Variants in SCN2A observed in about 807,000 individuals in gnomAD.
SCN2A encodes sodium voltage-gated channel alpha subunit 2, also known as sodium channel protein type 2 subunit alpha.
In SCN2A, 20 loss-of-function variants were observed where a neutral mutation model predicts 188.7. The observed-to-expected ratio is 0.11, with a 90% confidence interval of 0.07 to 0.15. The LOEUF (loss-of-function observed/expected upper bound fraction) is 0.15, where lower values mean the gene tolerates loss of function less well. Ranked by LOEUF, SCN2A falls within the 10% of genes least tolerant of loss-of-function variation. SCN2A has a pLI of 1.00. For missense variants in SCN2A, 1,278 were observed against 2,445.0 expected, an observed-to-expected ratio of 0.52 and a Z score of 10.07; for synonymous variants, 804 against 833.1, an observed-to-expected ratio of 0.97 and a Z score of 0.60.
intron 3 of SCN2A, among the ~76,000 whole-genome samples, chr2:165,297,636 C>T (rs1696581456): frequency 6.6e-6 from 1 of 152,180 alleles, no homozygotes; most frequent in Non-Finnish European, 1.5e-5. Flanking sequence ...ACAATTGTGT[C>T]TGTAGGTATA....
chr2:165,349,546 G>A (rs889534447), intron 16 of SCN2A, among the ~76,000 whole-genome samples: 17 of 143,016 alleles, frequency 1.2e-4, no homozygotes, highest in Non-Finnish European at 2.3e-4. Flanking sequence ...AGAATTTCAG[G>A]AAATATCAAG....
intron 2 of SCN2A, chr2:165,296,437 A>G (rs1696514677): frequency 3.6e-6 from 1 of 279,188 alleles, no homozygotes. Context: ...ACTGTAAACT[A>G]GGAGTCTATT....
intron 4 of SCN2A, among the ~76,000 whole-genome samples, 163 bp downstream of exon 4, chr2:165,308,100 T>A (rs1446260199): frequency 1.3e-5 from 2 of 152,128 alleles, no homozygotes; most frequent in African/African-American, 2.4e-5. Context: ...AGGACAAAGC[T>A]TGTAGTGGGC....
At chr2:165,266,112 G>C (rs1030644534) in intron 1 of SCN2A, among the ~76,000 whole-genome samples, 1 of 152,014 alleles carries the variant, frequency 6.6e-6, no homozygotes, top group East Asian at 1.9e-4. Context: ...ATCTATGATG[G>C]TCTAATGAAC....
At chr2:165,306,504 T>TTGTGTGTG (rs10524719) in intron 3 of SCN2A, among the ~76,000 whole-genome samples, 1 of 147,328 alleles carries the variant, frequency 6.8e-6, no homozygotes, top group African/African-American at 2.5e-5. Flanking sequence ...AAATGGTATT[T>TTGTGTGTG]TGTGTGTGTG....
intron 1 of SCN2A, chr2:165,239,986 A>G (rs1295404388): frequency 1.3e-5 from 2 of 152,218 alleles, no homozygotes; most frequent in East Asian, 3.9e-4. Context: ...AGATATAATG[A>G]AGCAGATTAA....
Position 165,326,860 on chromosome 2 carries a change from T to C in SCN2A, c.2025T>C (p.Thr675=), listed in dbSNP as rs1698384424. The change falls in exon 13 of 27, where the codon ACT becomes ACC. Residue 675 remains threonine, a synonymous_variant. Coordinates refer to ENST00000375437, the MANE Select transcript of SCN2A (RefSeq NM_001040142.2). ...SAGQLLPEGT[T]TETEIRKRRS... is the part of the protein sequence containing the mutation. ...TGAAATTCTACTTCTAGGGCACAAC[T>C]ACTGAAACAGAAATAAGAAAGAGAC... 1 of 1,613,954 alleles carries C rather than the reference T, an allele frequency of 6.2e-7. No homozygotes were observed. The highest frequency in any genetic ancestry group is 8.5e-7 in the Non-Finnish European group (1 of 1,179,876).
At chr2:165,249,364 C>T (rs1011457917) in intron 1 of SCN2A, among the ~76,000 whole-genome samples, 7 of 152,108 alleles carry the variant, frequency 4.6e-5, no homozygotes, top group African/African-American at 1.7e-4. Context: ...TGTGATAAAG[C>T]TAGTTATTTT....
At chr2:165,242,601 T>A (rs1693671169) in intron 1 of SCN2A, among the ~76,000 whole-genome samples, 1 of 152,092 alleles carries the variant, frequency 6.6e-6, no homozygotes, top group South Asian at 2.1e-4. Flanking sequence ...ATATTTAAGT[T>A]TTAAGAAGTT....
chr2:165,343,370 G>T lies in SCN2A; in HGVS notation c.2562+901G>T, dbSNP rs565047209. 1.1e-4 allele frequency among the ~76,000 whole-genome samples: 16 copies of T among 152,190 alleles called. No individual in the cohort carries two copies. In the South Asian group the frequency reaches 2.9e-3, roughly 28 times the overall value. ...TCAAAGATAGTTATGAATCTAATTT[G>T]AATCTAGAAGGATGCAAAAAACAGA... is the stretch of plus-strand genomic sequence containing the variant. On this transcript the variant is annotated intron_variant, in intron 15 of 26. Coordinates refer to ENST00000375437, the MANE Select transcript of SCN2A (RefSeq NM_001040142.2).
intron 1 of SCN2A, among the ~76,000 whole-genome samples, chr2:165,280,339 A>G (rs899757081): frequency 3.3e-5 from 5 of 152,112 alleles, no homozygotes; most frequent in Non-Finnish European, 7.3e-5. Flanking sequence ...GTAAAAAGAA[A>G]AGAAAAAACT....
chr2:165,350,574 G>C (rs375538502), intron 16 of SCN2A, among the ~76,000 whole-genome samples: 2,144 of 139,380 alleles, frequency 0.015, 55 homozygotes, highest in African/African-American at 0.054. Context: ...CCGGGTTCAC[G>C]CCATTCTCCT....
intron 1 of SCN2A, chr2:165,266,464 C>A (rs934072082): frequency 2.0e-5 from 3 of 152,024 alleles, no homozygotes; most frequent in African/African-American, 7.2e-5. Flanking sequence ...GAGTAAGGGC[C>A]GGGAAAGCCA....
At chr2:165,296,766 TA>T (rs1378017962) in intron 2 of SCN2A, 1 of 281,296 alleles carries the variant, frequency 3.6e-6, no homozygotes, top group Non-Finnish European at 6.6e-6. Context: ...TAAAACTTGA[TA>T]AAGTTGCTAA....
intron 1 of SCN2A, among the ~76,000 whole-genome samples, chr2:165,284,713 C>T (rs1418033900): frequency 1.3e-5 from 2 of 152,156 alleles, no homozygotes; most frequent in Non-Finnish European, 2.9e-5. Context: ...ACCTCACCCT[C>T]ATAAAGAGAA....
chr2:165,267,691 G>T (rs1694932610), intron 1 of SCN2A: 2 of 151,732 alleles, frequency 1.3e-5, no homozygotes, highest in African/African-American at 4.8e-5. Flanking sequence ...CAAACCATAT[G>T]TTCAATAAGG....
chr2:165,370,352 T>C, intron 20 of SCN2A, 53 bp downstream of exon 20: 2 of 1,569,740 alleles, frequency 1.3e-6, no homozygotes, highest in Non-Finnish European at 1.8e-6. Context: ...GTAATAGTTC[T>C]AGCAATGGTG....
intron 1 of SCN2A, among the ~76,000 whole-genome samples, chr2:165,283,639 A>G (rs1030087207): frequency 1.3e-5 from 2 of 152,226 alleles, no homozygotes; most frequent in African/African-American, 4.8e-5. Context: ...GTCTAATAGC[A>G]GTGGACCTGT....
chr2:165,259,681 C>T lies in SCN2A; in HGVS notation c.-52+20041C>T, dbSNP rs117658341. ...CAGGCTTCACTTCTATTCTAGTTCTCTTGCTATTTCTACCGCATCTGCAGT... is the reference window on the plus strand; with the variant it reads ...CAGGCTTCACTTCTATTCTAGTTCTTTTGCTATTTCTACCGCATCTGCAGT... On this transcript the variant is annotated intron_variant, in intron 1 of 26. Transcript: ENST00000375437. Among the ~76,000 whole-genome samples, 1,488 of 152,230 alleles carry T rather than the reference C, an allele frequency of 9.8e-3. 26 individuals are homozygous for T. The highest frequency in any genetic ancestry group is 0.062 in the East Asian group (319 of 5,164).
Sources: allele counts gnomAD v4.1 joint callset (sites outside exome capture counted in the v4.1 genomes callset), GRCh38; gene constraint gnomAD v4.1.1; transcripts MANE v1.5; gene names NCBI Gene and HGNC (gene_info 2026-07-23, HGNC 2026-07-21).